The following RIN2 variants were observed in gnomAD, a reference collection of about 807,000 sequenced individuals.
The protein encoded by RIN2 is Ras and Rab interactor 2.
In RIN2, 36 loss-of-function variants were observed where a neutral mutation model predicts 78.0. The ratio of observed to expected loss-of-function variants is 0.46; its 90% CI spans 0.35 to 0.61. The LOEUF is 0.61. Ranked by LOEUF, RIN2 falls within the 20% of genes least tolerant of loss-of-function variation. RIN2 has a pLI of 0.00. For synonymous variants in RIN2, 466 were observed against 466.8 expected (o/e 1.00, Z 0.02); for missense variants, 1,087 against 1,159.7 (o/e 0.94, Z 0.91).
intron 2 of RIN2, among the ~76,000 whole-genome samples, chr20:19,850,777 C>A (rs1244976884): frequency 1.3e-5 from 2 of 152,186 alleles, no homozygotes; most frequent in South Asian, 2.1e-4. Flanking sequence ...CCAGCCTGAC[C>A]AACATGGTGA....
At position 19,795,615 on chromosome 20, in the gene RIN2, C is replaced by T. The variant is rs150627648; in HGVS notation, c.-162-4007C>T. ...AAGGGGTTCTAGGCTGGAAAACAGCCTAACTATTGAGATCCTGCACGTGAC... is the reference window on the plus strand; with the variant it reads ...AAGGGGTTCTAGGCTGGAAAACAGCTTAACTATTGAGATCCTGCACGTGAC... On this transcript the variant is annotated intron_variant, in intron 1 of 12. Coordinates refer to ENST00000255006, the MANE Select transcript of RIN2 (RefSeq NM_018993.4). Among the ~76,000 whole-genome samples, 31 of 152,250 alleles carry T rather than the reference C, an allele frequency of 2.0e-4. No individual in the cohort carries two copies. The East Asian group carries it at 5.8e-3, about 28-fold the overall frequency.
chr20:19,809,733 A>G (rs774859800), intron 2 of RIN2: 1 of 152,356 alleles, frequency 6.6e-6, no homozygotes, highest in African/African-American at 2.4e-5. Context: ...CCGAGAACAC[A>G]TGATGGGGCC....
chr20:19,758,163 C>G (rs969880578), upstream of RIN2: 2 of 151,488 alleles, frequency 1.3e-5, no homozygotes, highest in Non-Finnish European at 2.9e-5. Flanking sequence ...CCCTCCCCTC[C>G]TCCTCTTTCC....
intron 8 of RIN2, 80 bp downstream of exon 8, chr20:19,971,009 A>G (rs988887133): frequency 1.9e-6 from 2 of 1,053,314 alleles, no homozygotes; most frequent in African/African-American, 3.2e-5. Context: ...CTGAGGCTAC[A>G]TTGCTCCGTC....
At chr20:19,845,987 C>A (rs2036770192) in intron 2 of RIN2, among the ~76,000 whole-genome samples, 2 of 152,140 alleles carry the variant, frequency 1.3e-5, no homozygotes, top group Non-Finnish European at 2.9e-5. Flanking sequence ...AATAGGGAAT[C>A]CTTTCCCCAT....
intron 3 of RIN2, among the ~76,000 whole-genome samples, chr20:19,910,870 A>G (rs573137464): frequency 6.6e-6 from 1 of 152,034 alleles, no homozygotes; most frequent in South Asian, 2.1e-4. Context: ...GCACCCAGCC[A>G]GGAAGTGAGT....
At chr20:19,884,142 C>T (rs944145905) in intron 2 of RIN2, among the ~76,000 whole-genome samples, 2 of 149,456 alleles carry the variant, frequency 1.3e-5, no homozygotes, top group African/African-American at 2.5e-5. Context: ...TAGGACCAGG[C>T]GTGGTGGTTT....
intron 1 of RIN2, among the ~76,000 whole-genome samples, chr20:19,793,792 A>G (rs1003906359): frequency 1.3e-5 from 2 of 152,196 alleles, no homozygotes; most frequent in Admixed American, 6.5e-5. Context: ...TTTGTAGGAA[A>G]AGCTGTGGGG....
chr20:19,997,255 C>T (rs2042998132), intron 12 of RIN2, among the ~76,000 whole-genome samples: 1 of 152,212 alleles, frequency 6.6e-6, no homozygotes, highest in Non-Finnish European at 1.5e-5. Flanking sequence ...CTCTCGCCCA[C>T]TCTCCAAAAC....
chr20:19,864,680 C>T (rs1037272513), intron 2 of RIN2, among the ~76,000 whole-genome samples: 1 of 152,130 alleles, frequency 6.6e-6, no homozygotes, highest in Non-Finnish European at 1.5e-5. Flanking sequence ...AAAGCTAGTT[C>T]AAAGCAGGAT....
At chr20:19,883,157 T>C (rs753536397) in intron 2 of RIN2, among the ~76,000 whole-genome samples, 1 of 152,122 alleles carries the variant, frequency 6.6e-6, no homozygotes, top group Non-Finnish European at 1.5e-5. Context: ...GTTGAGTCCA[T>C]CAGCCCTGAG....
chr20:19,995,261 T>TAAAAAA (rs74180976), intron 11 of RIN2, among the ~76,000 whole-genome samples: 6 of 122,698 alleles, frequency 4.9e-5, no homozygotes, highest in African/African-American at 1.9e-4. Flanking sequence ...GTTTTTTTTT[T>TAAAAAA]AAAAAAAAAA....
intron 4 of RIN2, among the ~76,000 whole-genome samples, chr20:19,949,042 G>A (rs6046474): frequency 0.14 from 21,225 of 151,912 alleles, 1,607 homozygotes; most frequent in South Asian, 0.21. Context: ...CACTTTGGGA[G>A]GCCAAGGCGG....
chr20:19,801,281 T>C (rs1329566781), intron 2 of RIN2, among the ~76,000 whole-genome samples: 1 of 151,756 alleles, frequency 6.6e-6, no homozygotes, highest in Non-Finnish European at 1.5e-5. Flanking sequence ...AGTAATTCTT[T>C]ATTTTATTTT....
At chr20:19,928,638 C>A (rs936792501) in intron 3 of RIN2, among the ~76,000 whole-genome samples, 1 of 152,226 alleles carries the variant, frequency 6.6e-6, no homozygotes, top group Non-Finnish European at 1.5e-5. Context: ...CTTGGGCCTT[C>A]TCCAGTTATT....
At chr20:19,958,533 A>C (rs1328382551) in intron 5 of RIN2, among the ~76,000 whole-genome samples, 1 of 152,250 alleles carries the variant, frequency 6.6e-6, no homozygotes, top group Admixed American at 6.5e-5. Context: ...GGTTGAGGGC[A>C]GGGCCAGGAC....
At chr20:19,915,936 T>C (rs1277762932) in intron 3 of RIN2, among the ~76,000 whole-genome samples, 1 of 152,226 alleles carries the variant, frequency 6.6e-6, no homozygotes, top group Non-Finnish European at 1.5e-5. Context: ...TCCTGTTTTG[T>C]TTTTTAATTA....
intron 1 of RIN2, among the ~76,000 whole-genome samples, chr20:19,768,124 C>T (rs774409502): frequency 5.9e-5 from 9 of 152,094 alleles, no homozygotes; most frequent in Non-Finnish European, 1.0e-4. Context: ...GTGAGGGAAA[C>T]AAACCAGGTT....
intron 3 of RIN2, among the ~76,000 whole-genome samples, chr20:19,932,895 C>T (rs1407397121): frequency 2.3e-4 from 35 of 152,206 alleles, no homozygotes; most frequent in Admixed American, 2.3e-3. Flanking sequence ...CCCCATTGCT[C>T]CCATCTCAGT....
Sources: gnomAD v4.1 joint callset for allele counts (sites outside exome capture counted in the v4.1 genomes callset) on GRCh38, gnomAD v4.1.1 for gene constraint, MANE v1.5 for transcripts, NCBI Gene and HGNC (gene_info 2026-07-23, HGNC 2026-07-21) for gene names.